Variants in TRMT44 observed in about 807,000 individuals in gnomAD.
TRMT44 encodes the protein probable tRNA (uracil-O(2)-)-methyltransferase.
Under a neutral mutation model 77.3 loss-of-function variants are expected in TRMT44, and 78 were observed. The observed-to-expected ratio is 1.01, with a 90% confidence interval of 0.84 to 1.22. TRMT44 has a LOEUF of 1.22. TRMT44 is among the 50% of genes most tolerant of loss of function. TRMT44 has a pLI of 0.00. For missense variants in TRMT44, 1,090 were observed against 964.4 expected (o/e 1.13, Z -1.73); for synonymous variants, 391 against 383.3 (o/e 1.02, Z -0.23).
At chr4:8,482,720 A>G (rs1176081609) in intron 2 of TRMT44, among the ~76,000 whole-genome samples, 1 of 152,122 alleles carries the variant, frequency 6.6e-6, no homozygotes, top group Non-Finnish European at 1.5e-5. Flanking sequence ...GTGGAATGTC[A>G]TCAGTTAAGG....
intron 9 of TRMT44, chr4:8,468,578 C>G: frequency 1.7e-6 from 1 of 595,632 alleles, no homozygotes; most frequent in Non-Finnish European, 3.0e-6. Flanking sequence ...AGTTTGGACC[C>G]TTAATTAACT....
intron 2 of TRMT44, among the ~76,000 whole-genome samples, chr4:8,482,085 C>T (rs1048379996): frequency 1.3e-5 from 2 of 152,328 alleles, no homozygotes; most frequent in East Asian, 1.9e-4. Context: ...AAACCCTTCA[C>T]TGTAAATTTT....
At chr4:8,447,669 C>A (rs867602609) in intron 2 of TRMT44, among the ~76,000 whole-genome samples, 8 of 152,294 alleles carry the variant, frequency 5.3e-5, no homozygotes, top group Non-Finnish European at 1.0e-4. Flanking sequence ...AGCCTTCGTG[C>A]TTGAAAGGGG....
chr4:8,511,278 A>C, the TRMT44 span, among the ~76,000 whole-genome samples: 2 of 152,316 alleles, frequency 1.3e-5, no homozygotes, highest in Admixed American at 1.3e-4. Context: ...ACAGGCCTGA[A>C]AATGTTAAGA....
At chr4:8,484,182 G>A (rs923365253) in intron 2 of TRMT44, among the ~76,000 whole-genome samples, 1 of 152,186 alleles carries the variant, frequency 6.6e-6, no homozygotes, top group Non-Finnish European at 1.5e-5. Flanking sequence ...TCAGGGTGAG[G>A]AACAGAGAAG....
At chr4:8,455,218 A>G (rs1725729577) in intron 6 of TRMT44, among the ~76,000 whole-genome samples, 1 of 152,206 alleles carries the variant, frequency 6.6e-6, no homozygotes. Context: ...TGCGCCAGGG[A>G]TGGGGACACC....
chr4:8,453,072 C>T (rs1011902646), intron 5 of TRMT44, 83 bp downstream of exon 5: 5 of 754,354 alleles, frequency 6.6e-6, no homozygotes, highest in African/African-American at 5.5e-5. Context: ...ACATCTTTTT[C>T]TGCTGATACA....
exon 3 of TRMT44, chr4:8,493,302 T>C (rs188639506): frequency 2.6e-5 from 4 of 152,254 alleles, no homozygotes; most frequent in East Asian, 3.9e-4. Context: ...ACCACCCAAA[T>C]AGATAAATTG....
intron 3 of TRMT44, among the ~76,000 whole-genome samples, chr4:8,450,849 G>A (rs544522692): frequency 6.7e-6 from 1 of 150,172 alleles, no homozygotes; most frequent in African/African-American, 2.5e-5. Context: ...CTAGGCTGGG[G>A]TGCAGTGGTG....
At position 8,449,737 on chromosome 4, in the gene TRMT44, C is replaced by A. The variant is rs1054321106; in HGVS notation, c.803C>A (p.Thr268Lys). ...HSDGIVYPKP[T>K]WLGEELLAKL... is the part of the protein sequence containing the mutation. ...GATGGAATCGTGTATCCCAAACCCA[C>A]GTGGCTTGGAGAAGAGTTGCTGGCC... The change falls in exon 3 of 11, where the codon ACG (threonine) becomes AAG (lysine). Residue 268 changes from threonine to lysine, a missense_variant. Thr to Lys is a moderately conservative substitution (Grantham distance 78). Transcript: ENST00000389737. The A allele has an allele frequency of 6.5e-7, 1 of 1,536,048 alleles. No homozygotes were observed. The highest frequency in any genetic ancestry group is 8.7e-7 in the Non-Finnish European group (1 of 1,146,890).
chr4:8,478,602 CG>C (rs1423189893), downstream of TRMT44: 2 of 152,794 alleles, frequency 1.3e-5, no homozygotes, highest in Non-Finnish European at 2.9e-5. Context: ...AGAGGTTTGG[CG>C]GGGGGTGGAG....
At chr4:8,445,799 T>A (rs1328097968) in intron 1 of TRMT44, among the ~76,000 whole-genome samples, 2 of 152,216 alleles carry the variant, frequency 1.3e-5, no homozygotes, top group East Asian at 3.8e-4. Flanking sequence ...GTTGTGCATA[T>A]TTGGCCTGTG....
chr4:8,479,953 C>G (rs1727561470), downstream of TRMT44, among the ~76,000 whole-genome samples: 1 of 152,236 alleles, frequency 6.6e-6, no homozygotes, highest in African/African-American at 2.4e-5. Context: ...TCTCGGCTCA[C>G]TACAGTGAGC....
At chr4:8,508,077 T>G in the TRMT44 span, among the ~76,000 whole-genome samples, 11 of 152,166 alleles carry the variant, frequency 7.2e-5, no homozygotes, top group Non-Finnish European at 1.2e-4. Context: ...CAGCTAATTT[T>G]TGTATTTGTA....
At chr4:8,506,101 G>T in the TRMT44 span, among the ~76,000 whole-genome samples, 1 of 152,254 alleles carries the variant, frequency 6.6e-6, no homozygotes, top group South Asian at 2.1e-4. Flanking sequence ...AGGGCTGTGT[G>T]GCCCTGAGTA....
the TRMT44 span, among the ~76,000 whole-genome samples, chr4:8,501,878 G>A: frequency 1.3e-5 from 2 of 152,192 alleles, no homozygotes; most frequent in South Asian, 4.1e-4. This position sits in a 1 kb window ranked among gnomAD's most constrained non-coding sequence, Gnocchi z 4.4. Flanking sequence ...GGTTCCAGAA[G>A]TTGCTCTTGG....
intron 2 of TRMT44, among the ~76,000 whole-genome samples, chr4:8,486,918 A>T (rs1727828222): frequency 6.6e-6 from 1 of 152,038 alleles, no homozygotes; most frequent in African/African-American, 2.4e-5. Context: ...GGAGGAGGGG[A>T]GAGGTCAGAT....
At chr4:8,510,997 G>C in the TRMT44 span, 1 of 152,586 alleles carries the variant, frequency 6.6e-6, no homozygotes, top group Non-Finnish European at 1.5e-5. Flanking sequence ...AGTCCCACAG[G>C]TGAAGGGTGA....
At chr4:8,465,201 C>T (rs936197525) in intron 7 of TRMT44, among the ~76,000 whole-genome samples, 177 bp from the exon 8 acceptor site, 2 of 152,176 alleles carry the variant, frequency 1.3e-5, no homozygotes, top group South Asian at 2.1e-4. Flanking sequence ...TGCACACATA[C>T]CCCCTGAAGC....
Sources: allele counts gnomAD v4.1 joint callset (sites outside exome capture counted in the v4.1 genomes callset), GRCh38; gene constraint gnomAD v4.1.1; non-coding constraint Gnocchi (gnomAD v3.1); transcripts MANE v1.5; gene names NCBI Gene and HGNC (gene_info 2026-07-23, HGNC 2026-07-21).